FOCAD: variants seen among roughly 807,000 people sequenced by gnomAD.
FOCAD encodes the protein KIAA1797.
A neutral mutation model predicts 225.6 loss-of-function variants in FOCAD; 198 were observed. That is an observed-to-expected ratio of 0.88 (90% CI 0.78 to 0.99). FOCAD has a LOEUF of 0.99. FOCAD is among the 50% of genes least tolerant of loss of function. FOCAD has a pLI of 0.00. For synonymous variants in FOCAD, 897 were observed against 755.0 expected (o/e 1.19, Z -3.08); for missense variants, 2,713 against 2,123.6 (o/e 1.28, Z -5.46).
chr9:20,962,402 A>G (rs1349274302), intron 35 of FOCAD, among the ~76,000 whole-genome samples: 1 of 141,130 alleles, frequency 7.1e-6, no homozygotes, highest in African/African-American at 2.8e-5. Flanking sequence ...CATATATAAT[A>G]TATATATACA....
chr9:20,972,604 C>G (rs1460797333), intron 35 of FOCAD, among the ~76,000 whole-genome samples: 5 of 151,846 alleles, frequency 3.3e-5, no homozygotes, highest in Non-Finnish European at 7.4e-5. Context: ...TCTGCATGTG[C>G]TTCTCTTTTC....
intron 15 of FOCAD, among the ~76,000 whole-genome samples, chr9:20,829,426 T>C (rs1260715041): frequency 1.4e-5 from 2 of 145,996 alleles, no homozygotes; most frequent in Non-Finnish European, 3.0e-5. Context: ...TGTTTTTTTT[T>C]CAAACTATAG....
intron 28 of FOCAD, among the ~76,000 whole-genome samples, chr9:20,937,258 C>A (rs565941540): frequency 6.6e-6 from 1 of 150,416 alleles, no homozygotes; most frequent in Admixed American, 6.6e-5. Context: ...CAAAAAAGAG[C>A]CCACATTGCC....
At chr9:20,846,703 T>C (rs374951017) in intron 15 of FOCAD, among the ~76,000 whole-genome samples, 1 of 152,148 alleles carries the variant, frequency 6.6e-6, no homozygotes, top group South Asian at 2.1e-4. Flanking sequence ...GTAAGTTTAA[T>C]TCTAATGATA....
intron 20 of FOCAD, among the ~76,000 whole-genome samples, chr9:20,882,415 A>C (rs1830754227): frequency 6.6e-6 from 1 of 152,200 alleles, no homozygotes; most frequent in South Asian, 2.1e-4. Context: ...ACATTTGCTG[A>C]ATTTTGAATT....
chr9:20,923,449 C>T (rs1427466746), intron 24 of FOCAD, among the ~76,000 whole-genome samples: 1 of 152,124 alleles, frequency 6.6e-6, no homozygotes, highest in Non-Finnish European at 1.5e-5. Context: ...ATGACCCATA[C>T]TACATTGATA....
At chr9:20,749,519 T>G (rs1218220622) in intron 5 of FOCAD, among the ~76,000 whole-genome samples, 3 of 152,188 alleles carry the variant, frequency 2.0e-5, no homozygotes, top group Middle Eastern at 3.2e-3. Flanking sequence ...ACTTAAAATC[T>G]GCAGATTAAA....
At chr9:20,707,809 C>T (rs1374665000) in intron 1 of FOCAD, among the ~76,000 whole-genome samples, 5 of 152,056 alleles carry the variant, frequency 3.3e-5, no homozygotes, top group African/African-American at 1.2e-4. Context: ...ATTATCTTGT[C>T]CTGTTATTTT....
chr9:20,797,600 A>G (rs1168861951), intron 11 of FOCAD, among the ~76,000 whole-genome samples: 5 of 152,150 alleles, frequency 3.3e-5, no homozygotes, highest in Non-Finnish European at 5.9e-5. Flanking sequence ...GAATTCACTC[A>G]TGATTTGGCT....
intron 39 of FOCAD, among the ~76,000 whole-genome samples, chr9:20,984,718 C>A (rs181090121): frequency 6.6e-6 from 1 of 152,096 alleles, no homozygotes; most frequent in African/African-American, 2.4e-5. Flanking sequence ...AAAAGGGAAA[C>A]GTGTGCTAAT....
rs1842001891 is a variant in FOCAD at position 20,995,582 on chromosome 9, C to T, written c.5359C>T (p.Pro1787Ser). The T allele has an allele frequency of 6.2e-7, 1 of 1,612,676 alleles. No individual in the cohort carries two copies. Among genetic ancestry groups the T allele is most frequent in the Non-Finnish European group, 8.5e-7 (1 of 1,178,984 alleles). Residue 1787 changes from proline (P) to serine (S), a missense_variant, in exon 44 of 44, where the codon CCA (proline) becomes TCA (serine). Pro to Ser is a moderately conservative substitution (Grantham distance 74). Coordinates refer to ENST00000338382, the MANE Select transcript of FOCAD (RefSeq NM_001375567.1). Reference protein sequence around the residue: ...KATLLSLRVLPEFKKKAVWTR... With the variant: ...KATLLSLRVLSEFKKKAVWTR... ...CACCCTGCTGTCCTTGAGAGTTCTC[C>T]CAGAGTTTAAGAAGAAAGCTGTATG...
At chr9:20,741,780 G>GCA in intron 5 of FOCAD, among the ~76,000 whole-genome samples, 1 of 146,444 alleles carries the variant, frequency 6.8e-6, no homozygotes, top group East Asian at 2.0e-4. Context: ...GAGTAAATGA[G>GCA]CACATTTTAA....
intron 7 of FOCAD, among the ~76,000 whole-genome samples, chr9:20,766,937 C>G (rs1169982794): frequency 6.6e-6 from 1 of 152,056 alleles, no homozygotes; most frequent in Non-Finnish European, 1.5e-5. Flanking sequence ...AACTCGTCAT[C>G]TAGCATTAGG....
chr9:20,946,966 C>T (rs959056775), intron 30 of FOCAD, 146 bp downstream of exon 30: 1 of 994,498 alleles, frequency 1.0e-6, no homozygotes, highest in Non-Finnish European at 1.4e-6. Flanking sequence ...TTTCTCACAG[C>T]TGTAGCCAAA....
intron 24 of FOCAD, among the ~76,000 whole-genome samples, chr9:20,921,079 T>C (rs963601258): frequency 6.6e-6 from 1 of 151,630 alleles, no homozygotes; most frequent in African/African-American, 2.4e-5. Context: ...AAAAGAACAT[T>C]TAAAGCTTCA....
intron 4 of FOCAD, among the ~76,000 whole-genome samples, chr9:20,736,317 G>A (rs1280015188): frequency 6.6e-6 from 1 of 152,058 alleles, no homozygotes; most frequent in Non-Finnish European, 1.5e-5. Flanking sequence ...AGATGTAAGT[G>A]CAGTGAAATT....
intron 1 of FOCAD, among the ~76,000 whole-genome samples, chr9:20,697,108 A>G (rs1276104793): frequency 6.6e-6 from 1 of 152,216 alleles, no homozygotes; most frequent in African/African-American, 2.4e-5. Flanking sequence ...AGCCAAAAAC[A>G]GACTAAGACA....
At position 20,916,666 on chromosome 9, in the gene FOCAD, T is replaced by C. The variant is rs4977811; in HGVS notation, c.2808-227T>C. Among the ~76,000 whole-genome samples the C allele has an allele frequency of 0.67, 101,649 of 152,040 alleles. 34,456 individuals are homozygous for C. Among genetic ancestry groups the C allele is most frequent in the African/African-American group, 0.77 (31,823 of 41,478 alleles). Reference sequence around the variant, plus strand: ...ATCTGTACATCCCCCCTCAGTTACATATTCACCTCCTCCTTGCCTCCACTC... The same window carrying C: ...ATCTGTACATCCCCCCTCAGTTACACATTCACCTCCTCCTTGCCTCCACTC... On this transcript the variant is annotated intron_variant, in intron 23 of 43. Coordinates refer to ENST00000338382, the MANE Select transcript of FOCAD (RefSeq NM_001375567.1).
At chr9:20,897,380 T>C (rs2131952496) in intron 21 of FOCAD, among the ~76,000 whole-genome samples, 1 of 151,908 alleles carries the variant, frequency 6.6e-6, no homozygotes, top group East Asian at 1.9e-4. Flanking sequence ...ATTATTGATA[T>C]ATTTTGATTA....
Sources: allele counts gnomAD v4.1 joint callset (sites outside exome capture counted in the v4.1 genomes callset), GRCh38; gene constraint gnomAD v4.1.1; transcripts MANE v1.5; gene names NCBI Gene and HGNC (gene_info 2026-07-23, HGNC 2026-07-21).